The following MTMR12 variants were observed in gnomAD, a reference collection of about 807,000 sequenced individuals.
The protein encoded by MTMR12 is myotubularin related protein 12, also known as myotubularin-related protein 12.
Under a neutral mutation model 96.7 loss-of-function variants are expected in MTMR12, and 33 were observed. The ratio of observed to expected loss-of-function variants is 0.34; its 90% CI spans 0.26 to 0.46. The LOEUF (loss-of-function observed/expected upper bound fraction) is 0.46, where lower values mean the gene tolerates loss of function less well. Among genes scored for constraint, MTMR12 ranks in the 20% least tolerant of loss-of-function variants. The pLI is 1.00. For missense variants in MTMR12, 721 were observed against 896.1 expected, an observed-to-expected ratio of 0.80 and a Z score of 2.49; for synonymous variants, 298 against 327.2, an observed-to-expected ratio of 0.91 and a Z score of 0.96.
chr5:32,290,276 C>T (rs962061427), intron 1 of MTMR12, among the ~76,000 whole-genome samples: 9 of 152,296 alleles, frequency 5.9e-5, no homozygotes, highest in African/African-American at 1.7e-4. Context: ...ACCTTGATCG[C>T]TTTTTGCTTC....
At chr5:32,266,524 C>T (rs1053235926) in intron 6 of MTMR12, among the ~76,000 whole-genome samples, 1 of 151,584 alleles carries the variant, frequency 6.6e-6, no homozygotes, top group Non-Finnish European at 1.5e-5. Context: ...CCTGTCTCTA[C>T]CAAAAATACA....
At chr5:32,271,681 C>T (rs1749838276) in intron 4 of MTMR12, 152 bp downstream of exon 4, 2 of 459,254 alleles carry the variant, frequency 4.4e-6, no homozygotes, top group Admixed American at 4.3e-5. Flanking sequence ...AACCACTTTA[C>T]ATCTCAATTT....
At chr5:32,262,629 CAAAAAA>C (rs1749411529) in intron 7 of MTMR12, among the ~76,000 whole-genome samples, 1 of 151,826 alleles carries the variant, frequency 6.6e-6, no homozygotes, top group East Asian at 1.9e-4. Flanking sequence ...AAAACAAAAA[CAAAAAA>C]CCAAAAAACA....
chr5:32,312,741 G>T lies in MTMR12; in HGVS notation c.81+17C>A, dbSNP rs150809614. ...GCCGCCCCTGCCCGACGCCCCGCCT[G>T]CGCGGCGCCCCCTCACCTCAGGGCG... On this transcript the variant is annotated intron_variant, in intron 1 of 15. Coordinates refer to ENST00000382142, the MANE Select transcript of MTMR12 (RefSeq NM_001040446.3). The surrounding 1 kb of genome is among the most constrained non-coding windows in gnomAD (Gnocchi z 5.0). 7.3e-6 allele frequency: 11 copies of T among 1,498,562 alleles called. No individual in the cohort carries two copies. In the East Asian group the frequency reaches 2.8e-4, roughly 38 times the overall value. 92.8% of individuals were successfully genotyped at this position (1,498,562 alleles called of 1,614,324 possible).
intron 15 of MTMR12, among the ~76,000 whole-genome samples, chr5:32,230,716 AC>A (rs750584476): frequency 2.3e-4 from 35 of 152,244 alleles, no homozygotes; most frequent in Non-Finnish European, 4.7e-4. Context: ...ATTTAGGGGA[AC>A]TTGTGGGTCA....
chr5:32,310,812 G>T (rs1161875293), intron 1 of MTMR12, among the ~76,000 whole-genome samples: 1 of 151,896 alleles, frequency 6.6e-6, no homozygotes, highest in Non-Finnish European at 1.5e-5. Context: ...ACAAAGGAAG[G>T]ATAAATGCTT....
intron 9 of MTMR12, 46 bp downstream of exon 9, chr5:32,248,726 G>T: frequency 1.4e-6 from 2 of 1,477,674 alleles, no homozygotes; most frequent in Non-Finnish European, 9.5e-7. Context: ...CCTGCTTCTT[G>T]GAAAACAAGA....
chr5:32,265,822 C>A (rs1225202526), intron 6 of MTMR12, among the ~76,000 whole-genome samples: 1 of 152,166 alleles, frequency 6.6e-6, no homozygotes, highest in African/African-American at 2.4e-5. Context: ...ATTTATAATT[C>A]TCACAAGACT....
Position 32,270,922 on chromosome 5 carries a change from G to T in MTMR12, c.384C>A (p.Leu128=). Residue 128 remains leucine, a synonymous_variant, in exon 5 of 16, where the codon CTC becomes CTA. Coordinates refer to ENST00000382142, the MANE Select transcript of MTMR12 (RefSeq NM_001040446.3). The part of the protein sequence containing the change: ...YGVFDEKKKT[L]FGQLKKYPEK... ...CAGGGTATTTCTTCAGTTGTCCAAA[G>T]AGAGTTTTCTTTTTCTCATCAAACA... 6.2e-7 allele frequency: 1 copy of T among 1,613,630 alleles called. No individual in the cohort carries two copies. Among genetic ancestry groups the T allele is most frequent in the Non-Finnish European group, 8.5e-7 (1 of 1,179,836 alleles).
rs917276263 is a variant in MTMR12, at chr5:32,227,086, A to G, written c.*2692T>C. Reference sequence around the variant, plus strand: ...AAGTATAAACTTTCATTGTGCATCCAGAAAATAAAAAGCACAAGTATACAG... The same window carrying G: ...AAGTATAAACTTTCATTGTGCATCCGGAAAATAAAAAGCACAAGTATACAG... On this transcript the variant is annotated 3_prime_UTR_variant, in exon 16 of 16. Transcript: ENST00000382142. The G allele has an allele frequency of 1.3e-5, 2 of 152,698 alleles. No homozygotes were observed. The highest frequency in any genetic ancestry group is 1.3e-4 in the Admixed American group (2 of 15,282). 9.5% of individuals were successfully genotyped at this position (152,698 alleles called of 1,614,324 possible). A position where few individuals can be genotyped will look rare whatever the true frequency, so the allele number is the denominator to read the frequency against.
At chr5:32,279,851 A>C (rs566584677) in intron 1 of MTMR12, among the ~76,000 whole-genome samples, 2 of 152,228 alleles carry the variant, frequency 1.3e-5, no homozygotes, top group East Asian at 1.9e-4. Flanking sequence ...TCATGCTCCT[A>C]TAAGAATCTA....
At chr5:32,279,119 A>C (rs1750182198) in intron 1 of MTMR12, among the ~76,000 whole-genome samples, 1 of 143,168 alleles carries the variant, frequency 7.0e-6, no homozygotes, top group East Asian at 2.1e-4. Flanking sequence ...AAAAAAAGTA[A>C]GTTATGGCTG....
rs202223564 is a variant in MTMR12 at position 32,282,420 on chromosome 5, A to AAAATAAAT, written c.82-5686_82-5679dup. ...TGGGCGACAGAGCAAGACTCCATCT[A>AAAATAAAT]AAATAAATAAATAAATAAATAAATA... On this transcript the variant is annotated intron_variant, in intron 1 of 15. Transcript: ENST00000382142. Among the ~76,000 whole-genome samples, 642 of 145,036 alleles carry AAAATAAAT rather than the reference A, an allele frequency of 4.4e-3. 3 individuals are homozygous for AAAATAAAT. The highest frequency in any genetic ancestry group is 5.6e-3 in the Non-Finnish European group (372 of 66,174).
At chr5:32,268,989 T>C (rs1420015905) in intron 5 of MTMR12, among the ~76,000 whole-genome samples, 195 bp from the exon 6 acceptor site, 1 of 152,084 alleles carries the variant, frequency 6.6e-6, no homozygotes, top group Non-Finnish European at 1.5e-5. Context: ...GCTAACCATT[T>C]TGTGAGGTTT....
chr5:32,256,555 G>C (rs1246182708), intron 7 of MTMR12, among the ~76,000 whole-genome samples: 1 of 152,124 alleles, frequency 6.6e-6, no homozygotes, highest in African/African-American at 2.4e-5. Flanking sequence ...AAATTACTTG[G>C]GGACATCATC....
chr5:32,251,680 C>A (rs1748932492), intron 8 of MTMR12, among the ~76,000 whole-genome samples: 1 of 152,118 alleles, frequency 6.6e-6, no homozygotes, highest in Admixed American at 6.5e-5. Flanking sequence ...TTAAGGGAGA[C>A]AGAAGGATGT....
In MTMR12 at chr5:32,233,793, G is replaced by A. The variant is rs766708987; in HGVS notation, c.1654C>T (p.Arg552Trp). 8.1e-5 allele frequency: 131 copies of A among 1,614,042 alleles called. No homozygotes were observed. Among genetic ancestry groups the A allele is most frequent in the Middle Eastern group, 1.6e-4 (1 of 6,084 alleles). ...CTTACTTTGAAGCGCATTCCTTTCC[G>A]TTGGCCTTTGTCCAGTTTTGGCTTT... is the stretch of plus-strand genomic sequence containing the variant. ...VEKPKLDKGQ[R>W]KGMRFKHQRQ... Residue 552 changes from arginine to tryptophan, a missense_variant, in exon 15 of 16, where the codon CGG (arginine) becomes TGG (tryptophan). Coordinates refer to ENST00000382142, the MANE Select transcript of MTMR12 (RefSeq NM_001040446.3). The surrounding 1 kb of genome is among the most constrained non-coding windows in gnomAD (Gnocchi z 5.0).
chr5:32,301,504 C>A (rs1273989209), intron 1 of MTMR12, among the ~76,000 whole-genome samples: 1 of 152,216 alleles, frequency 6.6e-6, no homozygotes, highest in South Asian at 2.1e-4. Context: ...GGAAGTTGAT[C>A]TCAAGGGATT....
chr5:32,259,651 G>A (rs1749279730), intron 7 of MTMR12, among the ~76,000 whole-genome samples: 1 of 152,190 alleles, frequency 6.6e-6, no homozygotes, highest in African/African-American at 2.4e-5. Context: ...CAACAAACTT[G>A]CCATTGCAGG....
Sources: gnomAD v4.1 joint callset for allele counts (sites outside exome capture counted in the v4.1 genomes callset) on GRCh38, gnomAD v4.1.1 for gene constraint, Gnocchi (gnomAD v3.1) non-coding constraint, MANE v1.5 for transcripts, NCBI Gene and HGNC (gene_info 2026-07-23, HGNC 2026-07-21) for gene names.